The following SNW1 variants were observed in gnomAD, a reference collection of about 807,000 sequenced individuals.
SNW1 encodes the protein SNW domain containing 1, also known as SNW domain-containing protein 1.
Under a neutral mutation model 75.6 loss-of-function variants are expected in SNW1, and 9 were observed. The ratio of observed to expected loss-of-function variants is 0.12; its 90% CI spans 0.07 to 0.21. SNW1 has a LOEUF of 0.21. Among genes scored for constraint, SNW1 ranks in the 10% least tolerant of loss-of-function variants. SNW1 has a pLI of 1.00. For synonymous variants in SNW1, 200 were observed against 219.1 expected (o/e 0.91, Z 0.77); for missense variants, 409 against 670.9 (o/e 0.61, Z 4.31).
At chr14:77,757,952 ATCG>A (rs1400749395) in intron 1 of SNW1, among the ~76,000 whole-genome samples, 11 of 102,972 alleles carry the variant, frequency 1.1e-4, no homozygotes, top group African/African-American at 3.7e-4. Context: ...CTATCTATCT[ATCG>A]CAATCAATCA....
At chr14:77,738,407 G>T (rs563178517) in intron 5 of SNW1, among the ~76,000 whole-genome samples, 10 of 152,070 alleles carry the variant, frequency 6.6e-5, no homozygotes, top group Non-Finnish European at 1.3e-4. Context: ...CCAGGAGTTC[G>T]AAAACAGCCT....
At chr14:77,742,098 C>T (rs1419385402) in intron 3 of SNW1, among the ~76,000 whole-genome samples, 1 of 151,620 alleles carries the variant, frequency 6.6e-6, no homozygotes, top group African/African-American at 2.4e-5. Context: ...ATGGCGTGAT[C>T]TCAGCTCATA....
At chr14:77,754,240 C>T (rs1403175413) in intron 2 of SNW1, among the ~76,000 whole-genome samples, 2 of 151,776 alleles carry the variant, frequency 1.3e-5, no homozygotes, top group Non-Finnish European at 2.9e-5. Flanking sequence ...GACAGGGTTG[C>T]TCCATGTTGG....
chr14:77,759,877 G>A (rs1261416318), intron 1 of SNW1, among the ~76,000 whole-genome samples: 1 of 151,706 alleles, frequency 6.6e-6, no homozygotes, highest in Non-Finnish European at 1.5e-5. Context: ...TAGCACTTTC[G>A]GAGGCCGAGA....
At chr14:77,753,464 T>C (rs3783980) in intron 2 of SNW1, among the ~76,000 whole-genome samples, 127,298 of 151,722 alleles carry the variant, frequency 0.84, 53,488 homozygotes, top group African/African-American at 0.87. Flanking sequence ...CTGCCTCCCA[T>C]AAATAACACT....
chr14:77,718,065 A>G lies in SNW1; in HGVS notation c.*23T>C, dbSNP rs544157843. On this transcript the variant is annotated 3_prime_UTR_variant, in exon 14 of 14. Coordinates refer to ENST00000261531, the MANE Select transcript of SNW1 (RefSeq NM_012245.3). ...TCATTAGGGTTATGGGTAAGAGTTC[A>G]TTCACTTTGGAGAGACCTGTGCCTA... 5 of 1,531,162 alleles carry G rather than the reference A, an allele frequency of 3.3e-6. 1 individual carries two copies. The South Asian group carries it at 6.4e-5, about 20-fold the overall frequency. The allele number at this position is 1,531,162 out of a possible 1,614,324, so 94.8% of individuals were successfully genotyped here.
At chr14:77,750,539 G>A (rs927496713) in intron 3 of SNW1, among the ~76,000 whole-genome samples, 5 of 152,138 alleles carry the variant, frequency 3.3e-5, no homozygotes, top group African/African-American at 1.2e-4. Context: ...CTATTTTAGA[G>A]GGTAAATTGA....
chr14:77,746,620 T>C (rs1404638568), intron 3 of SNW1, among the ~76,000 whole-genome samples: 2 of 152,164 alleles, frequency 1.3e-5, no homozygotes, highest in Non-Finnish European at 2.9e-5. Context: ...TGAATACATT[T>C]GTTTGTAAAA....
chr14:77,742,535 C>A (rs1157056171), intron 3 of SNW1, among the ~76,000 whole-genome samples: 1 of 152,104 alleles, frequency 6.6e-6, no homozygotes, highest in Admixed American at 6.6e-5. Flanking sequence ...TGGCAAAGAA[C>A]TAGACTGACT....
At chr14:77,737,261 C>T (rs1020507047) in intron 5 of SNW1, among the ~76,000 whole-genome samples, 186 bp from the exon 6 acceptor site, 2 of 152,128 alleles carry the variant, frequency 1.3e-5, no homozygotes, top group East Asian at 1.9e-4. Flanking sequence ...TTATGAGTTA[C>T]AGTCAAAATA....
chr14:77,755,238 G>T, intron 1 of SNW1, 118 bp from the exon 2 acceptor site: 1 of 880,646 alleles, frequency 1.1e-6, no homozygotes, highest in Non-Finnish European at 1.7e-6. Context: ...CAGAAAAAGA[G>T]CAGATTTTTC....
chr14:77,720,910 GAAAC>G, intron 11 of SNW1, 82 bp from the exon 12 acceptor site: 1 of 845,326 alleles, frequency 1.2e-6, no homozygotes, highest in Non-Finnish European at 2.0e-6. Flanking sequence ...ACCAATCTCA[GAAAC>G]AAAGGATGTG....
At chr14:77,733,742 C>CAAAT (rs2080645978) in intron 8 of SNW1, among the ~76,000 whole-genome samples, 1 of 64,850 alleles carries the variant, frequency 1.5e-5, no homozygotes, top group Non-Finnish European at 2.7e-5. Context: ...GAGACCGTCT[C>CAAAT]AAAAAAAAAA....
chr14:77,728,924 A>G (rs1453527862), intron 10 of SNW1, among the ~76,000 whole-genome samples: 1 of 152,210 alleles, frequency 6.6e-6, no homozygotes, highest in Admixed American at 6.5e-5. Flanking sequence ...AAAATTTTTA[A>G]TTTCTTGAGA....
intron 1 of SNW1, among the ~76,000 whole-genome samples, chr14:77,755,620 T>C (rs1236731715): frequency 1.3e-5 from 2 of 152,114 alleles, no homozygotes; most frequent in African/African-American, 4.8e-5. Flanking sequence ...GGTTTCACCA[T>C]GTTGGCCAGG....
chr14:77,757,882 A>T (rs2080853309), intron 1 of SNW1, among the ~76,000 whole-genome samples: 1 of 152,202 alleles, frequency 6.6e-6, no homozygotes, highest in Non-Finnish European at 1.5e-5. Context: ...CAGGATCTTT[A>T]CATTGGCTAT....
At chr14:77,753,579 C>T (rs985540012) in intron 2 of SNW1, among the ~76,000 whole-genome samples, 1 of 152,080 alleles carries the variant, frequency 6.6e-6, no homozygotes, top group Non-Finnish European at 1.5e-5. Flanking sequence ...AAAAAAGCAA[C>T]AAAAAGACCT....
At chr14:77,741,401 C>T (rs778138664) in intron 3 of SNW1, among the ~76,000 whole-genome samples, 11 of 151,932 alleles carry the variant, frequency 7.2e-5, no homozygotes, top group Admixed American at 2.6e-4. Context: ...TATTTTAGGC[C>T]GTACAGAACT....
chr14:77,719,565 T>C (rs1473384968), intron 12 of SNW1, among the ~76,000 whole-genome samples: 10 of 152,060 alleles, frequency 6.6e-5, no homozygotes, highest in Admixed American at 6.5e-4. Context: ...CCCTTGAACC[T>C]GGGAGGTGGA....
Sources: gnomAD v4.1 joint callset for allele counts (sites outside exome capture counted in the v4.1 genomes callset) on GRCh38, gnomAD v4.1.1 for gene constraint, MANE v1.5 for transcripts, NCBI Gene and HGNC (gene_info 2026-07-23, HGNC 2026-07-21) for gene names.